ASCC1: variants seen among roughly 807,000 people sequenced by gnomAD.
The protein encoded by ASCC1 is ASC-1 complex subunit P50.
ASCC1 carries 35 observed loss-of-function variants against 46.6 expected under a neutral mutation model. That is an observed-to-expected ratio of 0.75 (90% CI 0.57 to 0.99). The LOEUF (loss-of-function observed/expected upper bound fraction) is 0.99, where lower values mean the gene tolerates loss of function less well. Among genes scored for constraint, ASCC1 ranks in the 50% least tolerant of loss-of-function variants. The probability of loss-of-function intolerance (pLI) is 0.00; values close to 1 mark genes in which losing one functional copy is unlikely to be tolerated. For missense variants in ASCC1, 376 were observed against 428.7 expected (o/e 0.88, Z 1.09); for synonymous variants, 143 against 146.6 (o/e 0.98, Z 0.18).
chr10:72,161,794 C>T, intron 5 of ASCC1, 120 bp from the exon 6 acceptor site: 5 of 1,121,674 alleles, frequency 4.5e-6, no homozygotes, highest in South Asian at 1.3e-5. Context: ...CCACAAGGTG[C>T]CAAGACCATT....
chr10:72,157,946 T>C (rs534195288), intron 6 of ASCC1, among the ~76,000 whole-genome samples: 1 of 152,354 alleles, frequency 6.6e-6, no homozygotes, highest in African/African-American at 2.4e-5. Context: ...ATTTTCTCCC[T>C]ATACCATCCT....
chr10:72,160,780 T>C (rs1268452555), intron 6 of ASCC1, among the ~76,000 whole-genome samples: 1 of 139,994 alleles, frequency 7.1e-6, no homozygotes, highest in African/African-American at 3.0e-5. Context: ...ATTATTTGTA[T>C]TAAAAAAAAA....
chr10:72,120,710 A>G (rs1456358667), intron 9 of ASCC1, among the ~76,000 whole-genome samples: 1 of 152,140 alleles, frequency 6.6e-6, no homozygotes, highest in Non-Finnish European at 1.5e-5. Flanking sequence ...CCTATATAGA[A>G]GCCAAGATAA....
At chr10:72,214,581 T>C (rs1259127396) in intron 1 of ASCC1, among the ~76,000 whole-genome samples, 3 of 152,054 alleles carry the variant, frequency 2.0e-5, no homozygotes, top group Non-Finnish European at 1.5e-5. Context: ...TTCGTCATGT[T>C]GGCCAGGCTG....
At chr10:72,174,853 T>A (rs1296947949) in intron 5 of ASCC1, among the ~76,000 whole-genome samples, 1 of 152,220 alleles carries the variant, frequency 6.6e-6, no homozygotes, top group African/African-American at 2.4e-5. Flanking sequence ...CTGGTTTACC[T>A]GTAAGTCAAA....
At chr10:72,190,950 C>A (rs1174884863) in intron 5 of ASCC1, among the ~76,000 whole-genome samples, 1 of 139,844 alleles carries the variant, frequency 7.2e-6, no homozygotes, top group African/African-American at 2.7e-5. Context: ...GAGCCAAGAT[C>A]GCGCCATTGC....
intron 3 of ASCC1, among the ~76,000 whole-genome samples, chr10:72,206,833 G>C (rs1255732650): frequency 6.6e-6 from 1 of 152,144 alleles, no homozygotes; most frequent in Non-Finnish European, 1.5e-5. Flanking sequence ...GCTAGGGGCA[G>C]GGTGCTAAGT....
rs188451723 is a variant in ASCC1, at chr10:72,166,626, A to G, written c.490-4952T>C. 5.1e-4 allele frequency among the ~76,000 whole-genome samples: 78 copies of G among 152,342 alleles called. 1 individual carries two copies. In the East Asian group the frequency reaches 0.014, roughly 28 times the overall value. ...AAATTTAAAACTTGTGCTTCAACAG[A>G]TATCATCAAGAAAATGAAAAGATAA... On this transcript the variant is annotated intron_variant, in intron 5 of 9. Coordinates refer to ENST00000672957, the MANE Select transcript of ASCC1 (RefSeq NM_001198800.3).
intron 9 of ASCC1, 91 bp from the exon 10 acceptor site, chr10:72,097,541 C>G: frequency 1.3e-6 from 1 of 744,940 alleles, no homozygotes; most frequent in Admixed American, 2.1e-5. Context: ...CACCAAACCA[C>G]AACAATCCCA....
At chr10:72,163,902 T>A (rs528796891) in intron 5 of ASCC1, among the ~76,000 whole-genome samples, 9 of 152,256 alleles carry the variant, frequency 5.9e-5, no homozygotes, top group Admixed American at 2.0e-4. Flanking sequence ...CCAGCATTCT[T>A]TAGTAGCAAA....
At chr10:72,164,450 T>C (rs1850091312) in intron 5 of ASCC1, among the ~76,000 whole-genome samples, 1 of 152,248 alleles carries the variant, frequency 6.6e-6, no homozygotes, top group Non-Finnish European at 1.5e-5. Context: ...TCATCCAAGC[T>C]GTAGCATTAT....
intron 7 of ASCC1, among the ~76,000 whole-genome samples, chr10:72,140,770 G>C (rs1459707642): frequency 6.6e-6 from 1 of 152,266 alleles, no homozygotes; most frequent in South Asian, 2.1e-4. Context: ...GGCTGTGAAA[G>C]GAAGATGGCA....
Position 72,213,252 on chromosome 10 carries a change from T to C in ASCC1, c.47A>G (p.Tyr16Cys). Residue 16 changes from tyrosine (Y) to cysteine (C), a missense_variant, in exon 2 of 10, where the codon TAC becomes TGC. Transcript: ENST00000672957. ...CTGTTCTTGGACTGGATTCTTCCTG[T>C]AATTCCGGCCATCAATTCTTATAAG... ...PQLIRIDGRN[Y>C]RKNPVQEQTY... The C allele has an allele frequency of 1.2e-6, 2 of 1,614,036 alleles. No homozygotes were observed. Among genetic ancestry groups the C allele is most frequent in the Non-Finnish European group, 1.7e-6 (2 of 1,179,922 alleles).
chr10:72,163,375 A>G (rs1849938897), intron 5 of ASCC1, among the ~76,000 whole-genome samples: 1 of 152,212 alleles, frequency 6.6e-6, no homozygotes, highest in Admixed American at 6.5e-5. Context: ...AATGTATATC[A>G]ACAGATGAAT....
intron 7 of ASCC1, among the ~76,000 whole-genome samples, chr10:72,144,539 T>G (rs1847411680): frequency 6.6e-6 from 1 of 152,186 alleles, no homozygotes. Context: ...CTCATTCCAC[T>G]TTTTCCCATG....
At chr10:72,213,631 G>GGA (rs1004045971) in intron 1 of ASCC1, among the ~76,000 whole-genome samples, 2 of 151,636 alleles carry the variant, frequency 1.3e-5, no homozygotes, top group Non-Finnish European at 2.9e-5. Flanking sequence ...GGAAGGGAGG[G>GGA]GAGCAGTGGT....
upstream of ASCC1, chr10:72,216,357 GTA>G (rs1859320902): frequency 5.9e-6 from 1 of 170,460 alleles, no homozygotes; most frequent in African/African-American, 2.4e-5. Context: ...CGCCGATGGC[GTA>G]GTTTCCTGGG....
At chr10:72,195,860 A>G (rs1855347546) in intron 5 of ASCC1, among the ~76,000 whole-genome samples, 1 of 152,092 alleles carries the variant, frequency 6.6e-6, no homozygotes, top group South Asian at 2.1e-4. Context: ...ATGTGAGTGT[A>G]CAGACACATT....
chr10:72,205,648 A>T (rs113153866), intron 3 of ASCC1, among the ~76,000 whole-genome samples: 20,556 of 137,996 alleles, frequency 0.15, 4,144 homozygotes, highest in African/African-American at 0.46. Flanking sequence ...AAAAAAAAAA[A>T]TAGCAGGGTG....
Sources: gnomAD v4.1 joint callset for allele counts (sites outside exome capture counted in the v4.1 genomes callset) on GRCh38, gnomAD v4.1.1 for gene constraint, MANE v1.5 for transcripts, NCBI Gene and HGNC (gene_info 2026-07-23, HGNC 2026-07-21) for gene names.